Variants in SMOX observed in about 807,000 individuals in gnomAD.
The protein encoded by SMOX is flavin containing amine oxidase.
SMOX carries 22 observed loss-of-function variants against 51.0 expected under a neutral mutation model. That is an observed-to-expected ratio of 0.43 (90% confidence interval 0.31 to 0.62). The LOEUF is 0.62. Among genes scored for constraint, SMOX ranks in the 20% least tolerant of loss-of-function variants. The probability of loss-of-function intolerance (pLI) is 0.10; values close to 1 mark genes in which losing one functional copy is unlikely to be tolerated. For missense variants in SMOX, 566 were observed against 777.7 expected (o/e 0.73, Z 3.24); for synonymous variants, 282 against 307.8 (o/e 0.92, Z 0.88).
chr20:4,163,335 G>T (rs1986420529), intron 1 of SMOX, among the ~76,000 whole-genome samples: 1 of 152,194 alleles, frequency 6.6e-6, no homozygotes, highest in South Asian at 2.1e-4. Context: ...CTGTCTCTTG[G>T]GCCTTATAAG....
chr20:4,186,626 G>C (rs1355901323), intron 6 of SMOX: 7 of 690,090 alleles, frequency 1.0e-5, no homozygotes, highest in Non-Finnish European at 1.8e-5. Flanking sequence ...GGGAAGCTTT[G>C]TGGGATCCCC....
intron 1 of SMOX, among the ~76,000 whole-genome samples, chr20:4,165,880 C>T (rs1366502824): frequency 6.6e-6 from 1 of 152,180 alleles, no homozygotes; most frequent in Non-Finnish European, 1.5e-5. Context: ...ATGGAGCTTG[C>T]CTACCTCTGC....
rs1187642764 is a variant in SMOX at position 4,184,512 on chromosome 20, T to A, written c.1530+858T>A. Among the ~76,000 whole-genome samples the A allele has an allele frequency of 3.0e-5, 4 of 134,944 alleles. No individual in the cohort carries two copies. In the East Asian group the frequency reaches 9.0e-4, roughly 30 times the overall value. 88.5% of individuals were successfully genotyped at this position (134,944 alleles called of 152,430 possible). On this transcript the variant is annotated intron_variant, in intron 6 of 6. Transcript: ENST00000305958. The stretch of plus-strand genomic sequence containing the variant: ...CCAACTGTACACTAAAAAAAAAAAA[T>A]CTGAAATATATATTTATGCTCCCAT...
intron 1 of SMOX, among the ~76,000 whole-genome samples, chr20:4,160,976 T>C (rs1390194009): frequency 6.6e-6 from 1 of 152,178 alleles, no homozygotes; most frequent in Non-Finnish European, 1.5e-5. Context: ...TTGGGCTTTG[T>C]GCAGAGTCAC....
chr20:4,168,706 G>C (rs945533977), intron 1 of SMOX, among the ~76,000 whole-genome samples: 8 of 151,714 alleles, frequency 5.3e-5, no homozygotes, highest in Non-Finnish European at 1.0e-4. Context: ...ACAGGCACCC[G>C]CCACCACGCT....
At chr20:4,155,269 AC>A (rs1220966772) in intron 1 of SMOX, among the ~76,000 whole-genome samples, 1 of 151,866 alleles carries the variant, frequency 6.6e-6, no homozygotes, top group African/African-American at 2.4e-5. Flanking sequence ...CCGGGCCATC[AC>A]CCCAGCGTGT....
intron 1 of SMOX, among the ~76,000 whole-genome samples, chr20:4,158,780 C>G (rs904619139): frequency 1.3e-5 from 2 of 151,988 alleles, no homozygotes; most frequent in Admixed American, 6.6e-5. Context: ...CTCATACCTT[C>G]AACTGCTCCC....
In SMOX at chr20:4,153,189, G is replaced by A. The variant is rs1985847240; in HGVS notation, c.-27+4212G>A. ...CCCAGGCCAATGGGTTGGGCATCACGTACACTGTGATTTTGGGGTGCTGGG... is the reference window on the plus strand; with the variant it reads ...CCCAGGCCAATGGGTTGGGCATCACATACACTGTGATTTTGGGGTGCTGGG... On this transcript the variant is annotated intron_variant, in intron 1 of 6. Transcript: ENST00000305958. This position sits in a 1 kb window ranked among gnomAD's most constrained non-coding sequence, Gnocchi z 4.4. Among the ~76,000 whole-genome samples, 2 of 152,184 alleles carry A rather than the reference G, an allele frequency of 1.3e-5. No homozygotes were observed. Among genetic ancestry groups the A allele is most frequent in the South Asian group, 4.1e-4 (2 of 4,830 alleles).
chr20:4,181,872 G>T lies in SMOX; in HGVS notation c.505G>T (p.Gly169Trp), dbSNP rs753221843. 6.2e-7 allele frequency: 1 copy of T among 1,614,146 alleles called. No homozygotes were observed. The highest frequency in any genetic ancestry group is 2.2e-5 in the East Asian group (1 of 44,856). Residue 169 changes from glycine (G) to tryptophan (W), a missense_variant, in exon 4 of 7, where the codon GGG becomes TGG. Gly to Trp is a radical substitution (Grantham distance 184). Transcript: ENST00000305958. This position sits in a 1 kb window ranked among gnomAD's most constrained non-coding sequence, Gnocchi z 5.6. ...CAATGCTGAAAGTCAAAATAGCGTG[G>T]GGGTGTTCACCCGAGAGGAGGTGCG... ...PVNAESQNSV[G>W]VFTREEVRNR...
At chr20:4,158,471 A>C (rs1248382537) in intron 1 of SMOX, among the ~76,000 whole-genome samples, 2 of 152,186 alleles carry the variant, frequency 1.3e-5, no homozygotes, top group Non-Finnish European at 2.9e-5. Context: ...GGGGCATTGC[A>C]GCACCCCTTA....
chr20:4,155,195 C>T (rs923981444), intron 1 of SMOX, among the ~76,000 whole-genome samples: 1 of 152,174 alleles, frequency 6.6e-6, no homozygotes, highest in African/African-American at 2.4e-5. Context: ...GGGGAAACAG[C>T]TGATCCGGCC....
Position 4,187,715 on chromosome 20 carries a change from C to T in SMOX, c.*308C>T, listed in dbSNP as rs975101053. ...TTTGGGATAATAAAAAAGGCTCCCT[C>T]CCCTGCCCCTCAGCTTCTCTCTGGT... is the stretch of plus-strand genomic sequence containing the variant. On this transcript the variant is annotated 3_prime_UTR_variant, in exon 7 of 7. Coordinates refer to ENST00000305958, the MANE Select transcript of SMOX (RefSeq NM_175839.3). This position sits in a 1 kb window ranked among gnomAD's most constrained non-coding sequence, Gnocchi z 4.8. The T allele has an allele frequency of 1.1e-5, 3 of 267,762 alleles. No homozygotes were observed. Among genetic ancestry groups the T allele is most frequent in the Admixed American group, 9.7e-5 (2 of 20,526 alleles). The allele number at this position is 267,762 out of a possible 1,614,324, so 16.6% of individuals were successfully genotyped here.
At position 4,177,016 on chromosome 20, in the gene SMOX, G is replaced by C. The variant is rs1177650944; in HGVS notation, c.209-335G>C. 2.0e-5 allele frequency among the ~76,000 whole-genome samples: 3 copies of C among 152,164 alleles called. No homozygotes were observed. Among genetic ancestry groups the C allele is most frequent in the Non-Finnish European group, 4.4e-5 (3 of 68,016 alleles). ...CAGGTACCCACAGTGCTTCTCCCCG[G>C]TGAGGAGGCACCAGTGAGGAAGTGG... On this transcript the variant is annotated intron_variant, in intron 2 of 6. Transcript: ENST00000305958. The surrounding 1 kb of genome is among the most constrained non-coding windows in gnomAD (Gnocchi z 4.3).
At position 4,167,680 on chromosome 20, in the gene SMOX, G is replaced by A. The variant is rs1986624968; in HGVS notation, c.-26-7350G>A. Among the ~76,000 whole-genome samples, 1 of 152,098 alleles carries A rather than the reference G, an allele frequency of 6.6e-6. No homozygotes were observed. Among genetic ancestry groups the A allele is most frequent in the African/African-American group, 2.4e-5 (1 of 41,406 alleles). Reference sequence around the variant, plus strand: ...GCTGGGGCCTGATTCCCAGGTCTGGGCCAGTGTTCTCTCCCTCCTCTTCTG... The same window carrying A: ...GCTGGGGCCTGATTCCCAGGTCTGGACCAGTGTTCTCTCCCTCCTCTTCTG... On this transcript the variant is annotated intron_variant, in intron 1 of 6. Coordinates refer to ENST00000305958, the MANE Select transcript of SMOX (RefSeq NM_175839.3). This position sits in a 1 kb window ranked among gnomAD's most constrained non-coding sequence, Gnocchi z 4.8.
At chr20:4,165,498 C>T (rs1234319386) in intron 1 of SMOX, among the ~76,000 whole-genome samples, 2 of 152,192 alleles carry the variant, frequency 1.3e-5, no homozygotes, top group Admixed American at 6.5e-5. Context: ...CTGTTCTGGG[C>T]CTGGTCTTTC....
chr20:4,158,864 T>C (rs1986166726), intron 1 of SMOX, among the ~76,000 whole-genome samples: 1 of 152,078 alleles, frequency 6.6e-6, no homozygotes, highest in Non-Finnish European at 1.5e-5. Flanking sequence ...GTGGTGATAC[T>C]CCTTGCAGGC....
intron 2 of SMOX, among the ~76,000 whole-genome samples, chr20:4,175,522 C>T (rs1351918908): frequency 6.6e-6 from 1 of 152,178 alleles, no homozygotes; most frequent in Non-Finnish European, 1.5e-5. Context: ...AGGGAGTGGA[C>T]ACCCAAGCTC....
intron 1 of SMOX, among the ~76,000 whole-genome samples, chr20:4,164,423 C>T (rs1986465300): frequency 6.6e-6 from 1 of 152,216 alleles, no homozygotes; most frequent in South Asian, 2.1e-4. Flanking sequence ...ACTTTATCCC[C>T]ATTTTACTGA....
Position 4,181,963 on chromosome 20 carries a change from AGC to A in SMOX, c.597_598del (p.Gln200ValfsTer8), listed in dbSNP as rs1173432186. 6.2e-7 allele frequency: 1 copy of A among 1,614,026 alleles called. No individual in the cohort carries two copies. On this transcript the variant is annotated frameshift_variant, in exon 4 of 7. Transcript: ENST00000305958. LOFTEE classifies it high-confidence loss of function. The surrounding 1 kb of genome is among the most constrained non-coding windows in gnomAD (Gnocchi z 5.6). ...AAGCGCCTGAAGCTCGCCATGATCC[AGC>A]AGTACCTGAAGGTATCTTGAGGAAG... is the stretch of plus-strand genomic sequence containing the variant.
Sources: gnomAD v4.1 joint callset for allele counts (sites outside exome capture counted in the v4.1 genomes callset) on GRCh38, gnomAD v4.1.1 for gene constraint, Gnocchi (gnomAD v3.1) non-coding constraint, MANE v1.5 for transcripts, NCBI Gene and HGNC (gene_info 2026-07-23, HGNC 2026-07-21) for gene names.